Variants in RUNX1T1 observed in about 807,000 individuals in gnomAD.
RUNX1T1 encodes the protein protein CBFA2T1.
Under a neutral mutation model 62.8 loss-of-function variants are expected in RUNX1T1, and 4 were observed. That is an observed-to-expected ratio of 0.06 (90% CI 0.03 to 0.15). The LOEUF (loss-of-function observed/expected upper bound fraction) is 0.15. Among genes scored for constraint, RUNX1T1 ranks in the 10% least tolerant of loss-of-function variants. RUNX1T1 has a pLI of 1.00. For synonymous variants in RUNX1T1, 291 were observed against 286.0 expected (o/e 1.02, Z -0.18); for missense variants, 508 against 754.3 (o/e 0.67, Z 3.82).
At chr8:92,033,001 A>G (rs183130186) in intron 1 of RUNX1T1, among the ~76,000 whole-genome samples, 120 of 152,208 alleles carry the variant, frequency 7.9e-4, no homozygotes, top group Non-Finnish European at 1.4e-3. Flanking sequence ...GTATTAGAGT[A>G]TAAATTGGCA....
rs377063030 is a variant in RUNX1T1, at chr8:91,960,533, G to C, written c.1459-16C>G. ...TCCAGCAACTCTAAAGGAGAAGGCA[G>C]AAGAAAGCAAGATCCCAAGTTAATA... On this transcript the variant is annotated splice_polypyrimidine_tract_variant and intron_variant, in intron 10 of 10. Transcript: ENST00000396218. The C allele has an allele frequency of 6.2e-7, 1 of 1,612,572 alleles. No homozygotes were observed. Among genetic ancestry groups the C allele is most frequent in the Non-Finnish European group, 8.5e-7 (1 of 1,179,108 alleles).
rs1264752849 is a variant in RUNX1T1 at position 92,079,844 on chromosome 8, C to A, written c.-85-3707G>T. The stretch of plus-strand genomic sequence containing the variant: ...ACACTTCCTCTCATGCTGGTGGCTT[C>A]GTTCACTGACTTCACGGCCCTTCCC... On this transcript the variant is annotated intron_variant, in intron 1 of 11. Transcript: ENST00000265814. 2.0e-5 allele frequency among the ~76,000 whole-genome samples: 3 copies of A among 152,088 alleles called. No individual in the cohort carries two copies. The East Asian group carries it at 5.8e-4, about 29-fold the overall frequency.
intron 8 of RUNX1T1, among the ~76,000 whole-genome samples, chr8:91,981,051 A>G (rs1815126518): frequency 6.6e-6 from 1 of 152,176 alleles, no homozygotes; most frequent in South Asian, 2.1e-4. Flanking sequence ...GCACTGTCTC[A>G]TATGTTTTTA....
chr8:92,029,170 T>C (rs1163212264), intron 1 of RUNX1T1, among the ~76,000 whole-genome samples: 1 of 152,172 alleles, frequency 6.6e-6, no homozygotes, highest in South Asian at 2.1e-4. Context: ...ATTTCTTGAT[T>C]TTAATTGAAT....
intron 1 of RUNX1T1, chr8:92,095,622 G>C: frequency 7.3e-7 from 1 of 1,366,582 alleles, no homozygotes; most frequent in Non-Finnish European, 9.5e-7. Flanking sequence ...GTGGGAGAGA[G>C]AGAGAGAAGA....
At chr8:92,099,645 A>G (rs1198815155) in exon 1 of RUNX1T1, 1 of 985,296 alleles carries the variant, frequency 1.0e-6, no homozygotes, top group Non-Finnish European at 1.2e-6. Context: ...GCAGGTGCCA[A>G]TTTTTCAGAC....
At chr8:92,037,389 T>A (rs945531901) in intron 1 of RUNX1T1, among the ~76,000 whole-genome samples, 2 of 152,138 alleles carry the variant, frequency 1.3e-5, no homozygotes, top group African/African-American at 4.8e-5. Flanking sequence ...CATAAACAAG[T>A]CCTTCTCATC....
upstream of RUNX1T1, among the ~76,000 whole-genome samples, chr8:92,102,504 C>A (rs1410318448): frequency 3.9e-5 from 6 of 152,002 alleles, no homozygotes; most frequent in African/African-American, 1.4e-4. The surrounding 1 kb of genome is among the most constrained non-coding windows in gnomAD (Gnocchi z 4.5). Context: ...GTGGGCACCT[C>A]GATCGGTTGT....
At chr8:91,957,460 G>A (rs765273006), downstream of RUNX1T1, 2 of 231,784 alleles carry the variant, frequency 8.6e-6, no homozygotes, top group Non-Finnish European at 1.7e-5. Context: ...AGGAAGAGGG[G>A]AAGGAGGAAG....
intron 2 of RUNX1T1, among the ~76,000 whole-genome samples, chr8:92,015,782 TA>T (rs2131151020): frequency 6.6e-6 from 1 of 152,342 alleles, no homozygotes; most frequent in East Asian, 1.9e-4. Flanking sequence ...ATGTTATGCT[TA>T]AAAGTTCAAT....
At chr8:92,031,134 C>A (rs968806874) in intron 1 of RUNX1T1, among the ~76,000 whole-genome samples, 1 of 152,186 alleles carries the variant, frequency 6.6e-6, no homozygotes, top group Admixed American at 6.5e-5. Context: ...ACAGTCCATC[C>A]CAATATTCTG....
intron 10 of RUNX1T1, among the ~76,000 whole-genome samples, chr8:91,963,389 G>A (rs936624767): frequency 6.6e-6 from 1 of 152,212 alleles, no homozygotes; most frequent in Non-Finnish European, 1.5e-5. Context: ...ACATTGCATT[G>A]CAGTGAATGT....
intron 1 of RUNX1T1, among the ~76,000 whole-genome samples, chr8:92,057,258 C>G (rs1282789064): frequency 6.6e-6 from 1 of 152,118 alleles, no homozygotes; most frequent in Non-Finnish European, 1.5e-5. Context: ...TTCCATCTAG[C>G]CTTCATTACA....
chr8:92,095,693 AG>A (rs1160351956), intron 1 of RUNX1T1: 9 of 398,884 alleles, frequency 2.3e-5, no homozygotes, highest in Non-Finnish European at 3.1e-5. Context: ...GGGATGGAGG[AG>A]GGGGCGGGGG....
intron 6 of RUNX1T1, among the ~76,000 whole-genome samples, chr8:91,987,680 A>C (rs1331963445): frequency 6.6e-6 from 1 of 152,178 alleles, no homozygotes; most frequent in Non-Finnish European, 1.5e-5. Flanking sequence ...AGTAATACAT[A>C]AGTGTTTACC....
At chr8:92,012,953 A>T (rs1822264975) in intron 3 of RUNX1T1, among the ~76,000 whole-genome samples, 1 of 152,136 alleles carries the variant, frequency 6.6e-6, no homozygotes, top group African/African-American at 2.4e-5. Flanking sequence ...AAAGTATTTC[A>T]CGCAAAAGTA....
intron 1 of RUNX1T1, among the ~76,000 whole-genome samples, chr8:92,062,202 A>C (rs1416977883): frequency 6.6e-6 from 1 of 152,202 alleles, no homozygotes; most frequent in Non-Finnish European, 1.5e-5. Flanking sequence ...CCAAGTACAG[A>C]TGATAGTCAC....
chr8:92,057,070 A>C (rs1395163672), intron 1 of RUNX1T1, among the ~76,000 whole-genome samples: 1 of 152,134 alleles, frequency 6.6e-6, no homozygotes, highest in Non-Finnish European at 1.5e-5. Flanking sequence ...TATTAATTCC[A>C]TTGTTCTCTT....
At chr8:91,958,875 A>G (rs72669784), downstream of RUNX1T1, 8 of 195,438 alleles carry the variant, frequency 4.1e-5, no homozygotes, top group Non-Finnish European at 8.5e-5. Flanking sequence ...AAAATCCTAT[A>G]AGAGAGTGAA....
Sources: allele counts gnomAD v4.1 joint callset (sites outside exome capture counted in the v4.1 genomes callset), GRCh38; gene constraint gnomAD v4.1.1; non-coding constraint Gnocchi (gnomAD v3.1); transcripts MANE v1.5; gene names NCBI Gene and HGNC (gene_info 2026-07-23, HGNC 2026-07-21).